SLC35F4: variants seen among roughly 807,000 people sequenced by gnomAD.
The protein encoded by SLC35F4 is solute carrier family 35 member F4.
SLC35F4 carries 24 observed loss-of-function variants against 44.2 expected under a neutral mutation model. That is an observed-to-expected ratio of 0.54 (90% confidence interval 0.39 to 0.76). SLC35F4 has a LOEUF of 0.76. Ranked by LOEUF, SLC35F4 falls within the 30% of genes least tolerant of loss-of-function variation. The pLI is 0.00. For missense variants in SLC35F4, 562 were observed against 586.1 expected, an observed-to-expected ratio of 0.96 and a Z score of 0.42; for synonymous variants, 238 against 223.6, an observed-to-expected ratio of 1.06 and a Z score of -0.57.
chr14:57,735,450 G>A (rs529462800), intron 1 of SLC35F4, among the ~76,000 whole-genome samples: 6 of 152,272 alleles, frequency 3.9e-5, no homozygotes, highest in African/African-American at 1.2e-4. Context: ...AGAGTTGGCA[G>A]GGCCAGAAGG....
chr14:57,601,126 T>C lies in SLC35F4; in HGVS notation c.104-7002A>G, dbSNP rs72724924. ...AATATGTTTTAAAATAACTTGGCTG[T>C]TGGTCATATTATCTATATTTTTGTA... On this transcript the variant is annotated intron_variant, in intron 1 of 7. Transcript: ENST00000556826. Among the ~76,000 whole-genome samples the C allele has an allele frequency of 2.5e-3, 376 of 152,174 alleles. 1 individual carries two copies. Among genetic ancestry groups the C allele is most frequent in the Middle Eastern group, 6.8e-3 (2 of 294 alleles).
intron 1 of SLC35F4, among the ~76,000 whole-genome samples, chr14:57,827,332 A>G (rs75162297): frequency 6.6e-6 from 1 of 152,116 alleles, no homozygotes; most frequent in East Asian, 1.9e-4. Flanking sequence ...GGAACAACAC[A>G]CACTAGGACC....
chr14:57,951,484 T>C (rs570803270), intron 1 of SLC35F4, among the ~76,000 whole-genome samples: 9 of 152,276 alleles, frequency 5.9e-5, no homozygotes, highest in Non-Finnish European at 1.3e-4. Flanking sequence ...CCAAGTGGTC[T>C]AGCTGAGTGG....
intron 1 of SLC35F4, among the ~76,000 whole-genome samples, chr14:57,736,275 T>G (rs982256571): frequency 6.6e-6 from 1 of 152,164 alleles, no homozygotes; most frequent in Admixed American, 6.5e-5. Context: ...TCTGGCTGCA[T>G]TAAAAATCCT....
intron 1 of SLC35F4, 61 bp from the exon 2 acceptor site, chr14:57,594,185 A>G (rs1216302712): frequency 4.8e-6 from 7 of 1,449,570 alleles, no homozygotes; most frequent in Non-Finnish European, 6.6e-6. Context: ...AGTAGATTTT[A>G]TTATTTATTT....
At chr14:57,895,897 C>T (rs1050142068) in intron 1 of SLC35F4, among the ~76,000 whole-genome samples, 1 of 152,098 alleles carries the variant, frequency 6.6e-6, no homozygotes, top group African/African-American at 2.4e-5. Context: ...CATTCTACTA[C>T]TAATATACAA....
chr14:57,627,927 A>C (rs1349106804), intron 1 of SLC35F4, among the ~76,000 whole-genome samples: 16 of 152,086 alleles, frequency 1.1e-4, no homozygotes, highest in Admixed American at 1.0e-3. Flanking sequence ...ATTCTTTAGA[A>C]ATGGGCTCAA....
At chr14:57,705,330 C>T (rs900172431) in intron 1 of SLC35F4, among the ~76,000 whole-genome samples, 1 of 152,140 alleles carries the variant, frequency 6.6e-6, no homozygotes, top group African/African-American at 2.4e-5. Context: ...TAGAACAATA[C>T]AAATAGCAAT....
At chr14:57,888,587 G>A (rs552437850) in intron 1 of SLC35F4, among the ~76,000 whole-genome samples, 52 of 152,166 alleles carry the variant, frequency 3.4e-4, no homozygotes, top group African/African-American at 1.1e-3. Context: ...TTGCTATTAC[G>A]TTATTATTAT....
intron 1 of SLC35F4, among the ~76,000 whole-genome samples, chr14:57,714,990 GGA>G (rs2075903959): frequency 6.6e-6 from 1 of 152,126 alleles, no homozygotes; most frequent in South Asian, 2.1e-4. Context: ...TCATTTGCTG[GGA>G]GAGGAGTCAA....
At chr14:57,689,719 A>G (rs2075171056) in intron 1 of SLC35F4, among the ~76,000 whole-genome samples, 1 of 132,104 alleles carries the variant, frequency 7.6e-6, no homozygotes, top group South Asian at 2.7e-4. Context: ...GGGGAACATC[A>G]CACACCGGGG....
intron 1 of SLC35F4, among the ~76,000 whole-genome samples, chr14:57,703,097 G>A (rs1364822602): frequency 6.6e-6 from 1 of 152,128 alleles, no homozygotes; most frequent in Non-Finnish European, 1.5e-5. Flanking sequence ...TAGGAAACTA[G>A]AACTTTAGAG....
chr14:57,585,498 C>A (rs576885404), intron 3 of SLC35F4, among the ~76,000 whole-genome samples: 1 of 152,168 alleles, frequency 6.6e-6, no homozygotes, highest in South Asian at 2.1e-4. Context: ...CCAGGGCGAT[C>A]AGGCAAGAGA....
intron 1 of SLC35F4, among the ~76,000 whole-genome samples, chr14:57,803,157 A>C (rs992140076): frequency 1.3e-5 from 2 of 152,194 alleles, no homozygotes; most frequent in Admixed American, 6.5e-5. Flanking sequence ...AACATATGCA[A>C]ATCAATAAAT....
intron 1 of SLC35F4, among the ~76,000 whole-genome samples, chr14:57,639,150 A>G (rs2073127667): frequency 6.6e-6 from 1 of 152,116 alleles, no homozygotes; most frequent in South Asian, 2.1e-4. Context: ...GGTTTAGAAA[A>G]CAATTTGAAA....
intron 1 of SLC35F4, among the ~76,000 whole-genome samples, chr14:57,817,809 G>A (rs538937061): frequency 6.6e-6 from 1 of 152,276 alleles, no homozygotes; most frequent in East Asian, 1.9e-4. Flanking sequence ...CAGAGATTAT[G>A]GAATTGTCTC....
downstream of SLC35F4, among the ~76,000 whole-genome samples, chr14:57,975,965 T>A (rs1426710096): frequency 6.6e-6 from 1 of 151,614 alleles, no homozygotes; most frequent in Non-Finnish European, 1.5e-5. Flanking sequence ...ATTGTAGTGT[T>A]GCAAGGAGGG....
At chr14:57,655,292 G>A (rs4901806) in intron 1 of SLC35F4, among the ~76,000 whole-genome samples, 58,817 of 151,916 alleles carry the variant, frequency 0.39, 11,494 homozygotes, top group South Asian at 0.5. Context: ...TGAATGCTCT[G>A]TTTGGGGAGG....
At chr14:57,587,612 G>A (rs555145381) in intron 3 of SLC35F4, among the ~76,000 whole-genome samples, 2 of 152,252 alleles carry the variant, frequency 1.3e-5, no homozygotes, top group South Asian at 2.1e-4. Flanking sequence ...CCACACCAAG[G>A]CCTGTTGGCA....
Sources: gnomAD v4.1 joint callset for allele counts (sites outside exome capture counted in the v4.1 genomes callset) on GRCh38, gnomAD v4.1.1 for gene constraint, MANE v1.5 for transcripts, NCBI Gene and HGNC (gene_info 2026-07-23, HGNC 2026-07-21) for gene names.